NALF1: variants seen among roughly 807,000 people sequenced by gnomAD.
NALF1 encodes family with sequence similarity 155 member A.
NALF1 carries 3 observed loss-of-function variants against 48.4 expected under a neutral mutation model. That is an observed-to-expected ratio of 0.06 (90% CI 0.03 to 0.16). The LOEUF is 0.16. Among genes scored for constraint, NALF1 ranks in the 10% least tolerant of loss-of-function variants. The pLI, the probability that NALF1 is intolerant of heterozygous loss-of-function variation, is 1.00. For missense variants in NALF1, 526 were observed against 571.5 expected, an observed-to-expected ratio of 0.92 and a Z score of 0.81; for synonymous variants, 262 against 245.7, an observed-to-expected ratio of 1.07 and a Z score of -0.62.
chr13:107,719,440 A>AC (rs2138526040), intron 1 of NALF1, among the ~76,000 whole-genome samples: 1 of 152,206 alleles, frequency 6.6e-6, no homozygotes, highest in East Asian at 1.9e-4. Flanking sequence ...CTACAGTTGT[A>AC]CTTTTTTTTC....
intron 1 of NALF1, among the ~76,000 whole-genome samples, chr13:107,377,043 C>T (rs755296276): frequency 7.9e-5 from 12 of 152,130 alleles, no homozygotes; most frequent in Non-Finnish European, 1.5e-4. Context: ...TGTTACCTTG[C>T]CTCCTATTGT....
chr13:107,572,411 C>T (rs1465943287), intron 1 of NALF1, among the ~76,000 whole-genome samples: 1 of 152,144 alleles, frequency 6.6e-6, no homozygotes. Context: ...TAATGCAATG[C>T]ACTGGGTGGG....
chr13:107,312,891 C>T (rs78597629), intron 1 of NALF1, among the ~76,000 whole-genome samples: 1 of 152,070 alleles, frequency 6.6e-6, no homozygotes, highest in African/African-American at 2.4e-5. Flanking sequence ...TTACTCTTAA[C>T]TAAATAATAA....
chr13:107,561,049 T>A (rs1049417998), intron 1 of NALF1, among the ~76,000 whole-genome samples: 1 of 152,236 alleles, frequency 6.6e-6, no homozygotes, highest in Non-Finnish European at 1.5e-5. Flanking sequence ...TGAATGCCCT[T>A]GTCAGTATTT....
chr13:107,549,678 G>A lies in NALF1; in HGVS notation c.915+316004C>T, dbSNP rs139859357. ...AGAGCAAGTTCCAGATATAATGCCT[G>A]TTTACCACTACATACTTAAATGTTT... On this transcript the variant is annotated intron_variant, in intron 1 of 2. Transcript: ENST00000375915. 3.8e-3 allele frequency among the ~76,000 whole-genome samples: 585 copies of A among 152,194 alleles called. 8 individuals carry two copies. Among genetic ancestry groups the A allele is most frequent in the African/African-American group, 0.013 (533 of 41,532 alleles).
At chr13:107,322,692 T>C (rs965846481) in intron 1 of NALF1, among the ~76,000 whole-genome samples, 6 of 152,178 alleles carry the variant, frequency 3.9e-5, no homozygotes, top group African/African-American at 1.2e-4. Context: ...ACATACTTTC[T>C]CTCTCCTCAC....
chr13:107,187,243 T>C (rs564134047), intron 2 of NALF1, among the ~76,000 whole-genome samples: 3 of 152,352 alleles, frequency 2.0e-5, no homozygotes, highest in Admixed American at 1.3e-4. Context: ...CCACGTAATG[T>C]AGCATATTTA....
intron 1 of NALF1, among the ~76,000 whole-genome samples, chr13:107,476,198 G>A (rs759550649): frequency 4.9e-4 from 74 of 152,248 alleles, no homozygotes; most frequent in Admixed American, 7.9e-4. Context: ...GCAGGCAGCC[G>A]ACTTCTTAAG....
At chr13:107,556,477 A>G (rs879323372) in intron 1 of NALF1, among the ~76,000 whole-genome samples, 3 of 151,738 alleles carry the variant, frequency 2.0e-5, no homozygotes, top group Non-Finnish European at 4.4e-5. Context: ...TTATCTGTTT[A>G]TTTTATTTTT....
At chr13:107,483,229 A>C (rs368211412) in intron 1 of NALF1, among the ~76,000 whole-genome samples, 2 of 152,172 alleles carry the variant, frequency 1.3e-5, no homozygotes, top group Admixed American at 6.6e-5. Context: ...TGAATGCTTT[A>C]AGCTAAGCTA....
chr13:107,275,115 T>C (rs1250353498), intron 1 of NALF1, among the ~76,000 whole-genome samples: 1 of 152,208 alleles, frequency 6.6e-6, no homozygotes, highest in Non-Finnish European at 1.5e-5. Context: ...GTTACAAAAA[T>C]TATACAAAAC....
intron 1 of NALF1, among the ~76,000 whole-genome samples, chr13:107,456,995 G>A (rs952521946): frequency 6.6e-6 from 1 of 152,036 alleles, no homozygotes; most frequent in Non-Finnish European, 1.5e-5. Context: ...TTTAAATGAT[G>A]ACATTCATAT....
chr13:107,659,813 T>A, intron 1 of NALF1, among the ~76,000 whole-genome samples: 1 of 138,548 alleles, frequency 7.2e-6, no homozygotes, highest in Admixed American at 7.2e-5. Context: ...TGCCAAACAT[T>A]TTCTTTTTTT....
chr13:107,196,686 G>A (rs1879399511), intron 2 of NALF1, among the ~76,000 whole-genome samples: 1 of 152,188 alleles, frequency 6.6e-6, no homozygotes, highest in Non-Finnish European at 1.5e-5. Flanking sequence ...TGGTCTCCAT[G>A]GTGGGGGAGA....
At chr13:107,677,804 C>T (rs7981476) in intron 1 of NALF1, among the ~76,000 whole-genome samples, 81,406 of 151,822 alleles carry the variant, frequency 0.54, 22,363 homozygotes, top group African/African-American at 0.66. Flanking sequence ...AATTAAAATG[C>T]AGATTGTGAG....
rs527655188 is a variant in NALF1, at chr13:107,685,502, A to C, written c.915+180180T>G. On this transcript the variant is annotated intron_variant, in intron 1 of 2. Coordinates refer to ENST00000375915, the MANE Select transcript of NALF1 (RefSeq NM_001080396.3). Reference sequence around the variant, plus strand: ...ATTTTCAAATAATTAAAAATTATATAGTAATGAATAAAAGATAAAATCTTT... The same window carrying C: ...ATTTTCAAATAATTAAAAATTATATCGTAATGAATAAAAGATAAAATCTTT... Among the ~76,000 whole-genome samples the C allele has an allele frequency of 7.2e-5, 11 of 152,356 alleles. No individual in the cohort carries two copies. The East Asian group carries it at 1.5e-3, about 21-fold the overall frequency.
intron 1 of NALF1, among the ~76,000 whole-genome samples, chr13:107,555,883 C>CA (rs1289868791): frequency 6.6e-6 from 1 of 151,666 alleles, no homozygotes; most frequent in Non-Finnish European, 1.5e-5. Flanking sequence ...CAATACCCAG[C>CA]AAAAAAGATA....
At position 107,546,326 on chromosome 13, in the gene NALF1, A is replaced by G. The variant is rs9555368; in HGVS notation, c.915+319356T>C. ...GGCAGGAGGAATCAATACGAAGCAC[A>G]AACACACCCTGCTAAGGTTTTCCAG... On this transcript the variant is annotated intron_variant, in intron 1 of 2. Coordinates refer to ENST00000375915, the MANE Select transcript of NALF1 (RefSeq NM_001080396.3). 0.029 allele frequency among the ~76,000 whole-genome samples: 4,350 copies of G among 152,246 alleles called. 429 individuals carry two copies. The East Asian group carries it at 0.37, about 13-fold the overall frequency.
intron 1 of NALF1, among the ~76,000 whole-genome samples, chr13:107,456,786 T>G (rs550853997): frequency 6.6e-6 from 1 of 152,286 alleles, no homozygotes; most frequent in South Asian, 2.1e-4. Context: ...TAAAACATAT[T>G]TGAAATTACC....
Sources: gnomAD v4.1 joint callset for allele counts (sites outside exome capture counted in the v4.1 genomes callset) on GRCh38, gnomAD v4.1.1 for gene constraint, MANE v1.5 for transcripts, NCBI Gene and HGNC (gene_info 2026-07-23, HGNC 2026-07-21) for gene names.